The following ABCC8 variants were observed in gnomAD, a reference collection of about 807,000 sequenced individuals.
ABCC8 encodes ATP-binding cassette sub-family C member 8.
In ABCC8, 137 loss-of-function variants were observed where a neutral mutation model predicts 188.0. The ratio of observed to expected loss-of-function variants is 0.73; its 90% CI spans 0.63 to 0.84. The LOEUF (loss-of-function observed/expected upper bound fraction) is 0.84. Ranked by LOEUF, ABCC8 falls within the 40% of genes least tolerant of loss-of-function variation. The pLI is 0.00. For missense variants in ABCC8, 1,750 were observed against 2,072.7 expected (o/e 0.84, Z 3.02); for synonymous variants, 797 against 846.5 (o/e 0.94, Z 1.01).
chr11:17,467,901 G>A (rs895651731), intron 3 of ABCC8, among the ~76,000 whole-genome samples: 1 of 152,244 alleles, frequency 6.6e-6, no homozygotes, highest in Admixed American at 6.5e-5. Context: ...CCATCCACGG[G>A]TGATAACTTG....
At chr11:17,454,131 GT>G (rs1956909874) in intron 6 of ABCC8, among the ~76,000 whole-genome samples, 1 of 152,166 alleles carries the variant, frequency 6.6e-6, no homozygotes, top group Non-Finnish European at 1.5e-5. Flanking sequence ...TTGGCAGGGT[GT>G]GGGAGCTGCT....
At chr11:17,402,565 C>T in intron 29 of ABCC8, 96 bp downstream of exon 29, 1 of 1,610,582 alleles carries the variant, frequency 6.2e-7, no homozygotes, top group Non-Finnish European at 8.5e-7. Flanking sequence ...TGTCCTTGGC[C>T]TTCCCAAGTG....
Position 17,427,004 on chromosome 11 carries a change from A to G in ABCC8, c.2222+45T>C. On this transcript the variant is annotated intron_variant, in intron 16 of 38. Coordinates refer to ENST00000389817, the MANE Select transcript of ABCC8 (RefSeq NM_000352.6). This position sits in a 1 kb window ranked among gnomAD's most constrained non-coding sequence, Gnocchi z 5.0. ...CATCCTCAACTGAGGAGGATGGTTA[A>G]AAGGAGATTTCCCCTCCACTGGGCC... The G allele has an allele frequency of 6.2e-7, 1 of 1,607,024 alleles. No homozygotes were observed. Among genetic ancestry groups the G allele is most frequent in the African/African-American group, 1.3e-5 (1 of 74,850 alleles).
intron 7 of ABCC8, among the ~76,000 whole-genome samples, chr11:17,449,128 A>T (rs1048653074): frequency 2.0e-5 from 3 of 152,106 alleles, no homozygotes; most frequent in Non-Finnish European, 4.4e-5. Context: ...GGGTTTTGCC[A>T]TGTTGGCCAG....
Position 17,428,346 on chromosome 11 carries a change from G to A in ABCC8, c.1983C>T (p.Gly661=). ...CACTGGGGACCAGGCTCTGCAGTGGGCCGGTGAGGCCCCGACAATCCTCCC... is the reference window on the plus strand; with the variant it reads ...CACTGGGGACCAGGCTCTGCAGTGGACCGGTGAGGCCCCGACAATCCTCCC... ...PAREDCRGLT[G]PLQSLVPSAD... Residue 661 remains glycine (G), a synonymous_variant, in exon 14 of 39, where the codon GGC becomes GGT. Transcript: ENST00000389817. 2 of 1,614,180 alleles carry A rather than the reference G, an allele frequency of 1.2e-6. No individual in the cohort carries two copies. Among genetic ancestry groups the A allele is most frequent in the Non-Finnish European group, 1.7e-6 (2 of 1,180,022 alleles).
At chr11:17,414,117 A>T (rs1246849474) in intron 19 of ABCC8, among the ~76,000 whole-genome samples, 7 of 152,220 alleles carry the variant, frequency 4.6e-5, no homozygotes, top group Admixed American at 6.5e-5. Context: ...AATTCCGTGT[A>T]CAAAGAGCTC....
intron 3 of ABCC8, 129 bp downstream of exon 3, chr11:17,469,972 G>A: frequency 8.3e-7 from 1 of 1,202,542 alleles, no homozygotes; most frequent in Non-Finnish European, 1.2e-6. Flanking sequence ...ATGAAGGCAG[G>A]GATTTTTTTC....
At chr11:17,412,048 G>A (rs923471611) in intron 21 of ABCC8, among the ~76,000 whole-genome samples, 4 of 151,690 alleles carry the variant, frequency 2.6e-5, no homozygotes, top group African/African-American at 9.7e-5. Flanking sequence ...GCCCGCCACC[G>A]CACCCAGCTA....
chr11:17,465,929 C>T (rs1848116448), intron 3 of ABCC8, among the ~76,000 whole-genome samples: 1 of 152,128 alleles, frequency 6.6e-6, no homozygotes, highest in South Asian at 2.1e-4. Flanking sequence ...ATGTTCATAG[C>T]AGTGCTATTT....
At chr11:17,450,113 T>C (rs1475576554) in intron 7 of ABCC8, among the ~76,000 whole-genome samples, 1 of 152,208 alleles carries the variant, frequency 6.6e-6, no homozygotes, top group Non-Finnish European at 1.5e-5. Context: ...GCTTAATAAC[T>C]TTTTATGCAC....
intron 21 of ABCC8, among the ~76,000 whole-genome samples, chr11:17,412,199 A>G (rs993255664): frequency 2.0e-5 from 3 of 152,082 alleles, no homozygotes; most frequent in African/African-American, 4.8e-5. Context: ...GCCTAGTTTT[A>G]TCTCATGTTT....
chr11:17,420,372 A>G (rs1955281889), intron 16 of ABCC8, among the ~76,000 whole-genome samples: 1 of 152,198 alleles, frequency 6.6e-6, no homozygotes, highest in Admixed American at 6.5e-5. Context: ...AGCAAGTGGC[A>G]GCATCAGGAC....
rs769893241 is a variant in ABCC8 at position 17,404,193 on chromosome 11, C to T, written c.3557+319G>A. ...AATCAGCCTGACCACTAGAATGATG[C>T]AACCCTCCTGGGAAGCATGTTGGCA... On this transcript the variant is annotated intron_variant, in intron 28 of 38. Coordinates refer to ENST00000389817, the MANE Select transcript of ABCC8 (RefSeq NM_000352.6). This position sits in a 1 kb window ranked among gnomAD's most constrained non-coding sequence, Gnocchi z 4.7. Among the ~76,000 whole-genome samples the T allele has an allele frequency of 1.3e-5, 2 of 152,152 alleles. No individual in the cohort carries two copies. Among genetic ancestry groups the T allele is most frequent in the Non-Finnish European group, 2.9e-5 (2 of 68,038 alleles).
At chr11:17,401,781 T>C (rs1264665428) in intron 29 of ABCC8, among the ~76,000 whole-genome samples, 1 of 152,168 alleles carries the variant, frequency 6.6e-6, no homozygotes, top group East Asian at 1.9e-4. Context: ...GCTTCCCTCA[T>C]TCCCCAGGCA....
intron 1 of ABCC8, among the ~76,000 whole-genome samples, chr11:17,476,411 T>C (rs998596025): frequency 6.6e-6 from 1 of 152,212 alleles, no homozygotes; most frequent in Non-Finnish European, 1.5e-5. Context: ...AAACGTCCGC[T>C]GTGTTTGGCG....
At chr11:17,414,725 T>C in intron 18 of ABCC8, 115 bp from the exon 19 acceptor site, 5 of 1,546,124 alleles carry the variant, frequency 3.2e-6, no homozygotes, top group Non-Finnish European at 4.3e-6. Flanking sequence ...GGAGGTGCAG[T>C]TGGTAGAAAT....
intron 16 of ABCC8, among the ~76,000 whole-genome samples, chr11:17,419,540 G>T (rs1371465957): frequency 6.6e-6 from 1 of 152,220 alleles, no homozygotes; most frequent in Non-Finnish European, 1.5e-5. Flanking sequence ...GAAGCTTCTG[G>T]GTGATGGGAT....
chr11:17,439,782 C>G (rs2237980), intron 10 of ABCC8, among the ~76,000 whole-genome samples: 68,591 of 151,988 alleles, frequency 0.45, 16,617 homozygotes, highest in African/African-American at 0.64. Flanking sequence ...GACTTGGACA[C>G]GTGAGGAGTC....
chr11:17,447,742 G>A (rs1956593615), intron 8 of ABCC8, among the ~76,000 whole-genome samples: 1 of 152,172 alleles, frequency 6.6e-6, no homozygotes, highest in African/African-American at 2.4e-5. Flanking sequence ...TGGGGCTATA[G>A]TTGTGAGCCA....
Sources: allele counts gnomAD v4.1 joint callset (sites outside exome capture counted in the v4.1 genomes callset), GRCh38; gene constraint gnomAD v4.1.1; non-coding constraint Gnocchi (gnomAD v3.1); transcripts MANE v1.5; gene names NCBI Gene and HGNC (gene_info 2026-07-23, HGNC 2026-07-21).